Variants in CSF1R observed in about 807,000 individuals in gnomAD.
CSF1R encodes macrophage colony-stimulating factor 1 receptor.
In CSF1R, 40 loss-of-function variants were observed where a neutral mutation model predicts 110.0. The ratio of observed to expected loss-of-function variants is 0.36; its 90% CI spans 0.28 to 0.47. CSF1R has a LOEUF of 0.47. Among genes scored for constraint, CSF1R ranks in the 20% least tolerant of loss-of-function variants. CSF1R has a pLI of 0.99. For missense variants in CSF1R, 1,052 were observed against 1,253.0 expected (o/e 0.84, Z 2.42); for synonymous variants, 523 against 503.4 (o/e 1.04, Z -0.52).
intron 1 of CSF1R, among the ~76,000 whole-genome samples, chr5:150,103,927 G>A (rs1478779145): frequency 6.6e-6 from 1 of 152,136 alleles, no homozygotes; most frequent in East Asian, 1.9e-4. Context: ...CTAGAGGGGT[G>A]CACCTCCAAG....
At chr5:150,080,586 CA>C (rs1758492446) in intron 2 of CSF1R, among the ~76,000 whole-genome samples, 180 bp downstream of exon 2, 1 of 152,222 alleles carries the variant, frequency 6.6e-6, no homozygotes, top group Non-Finnish European at 1.5e-5. Context: ...AATGCATCAT[CA>C]TAGACCCGAC....
At chr5:150,061,406 G>T in intron 12 of CSF1R, 85 bp downstream of exon 12, 1 of 1,188,288 alleles carries the variant, frequency 8.4e-7, no homozygotes, top group South Asian at 1.4e-5. Context: ...TGAAATGTGT[G>T]TGATGCCTCT....
Position 150,068,313 on chromosome 5 carries a change from G to C in CSF1R, c.1528C>G (p.Pro510Ala), listed in dbSNP as rs139203165. 34 of 1,612,622 alleles carry C rather than the reference G, an allele frequency of 2.1e-5. No individual in the cohort carries two copies. In the African/African-American group the frequency reaches 4.1e-4, roughly 20 times the overall value. The change falls in exon 10 of 21, where the codon CCG becomes GCG. Residue 510 changes from proline (P) to alanine (A), a missense_variant. Coordinates refer to ENST00000675795, the MANE Select transcript of CSF1R (RefSeq NM_001288705.3). ...ACTGGTGTGAAGAGGAACTCATCCG[G>C]GGGATGCGTGTGGGCTCCTGGAAGG... ...PISAGAHTHPPDEFLFTPVVV... is the reference protein window; with the variant it reads ...PISAGAHTHPADEFLFTPVVV...
In CSF1R at chr5:150,053,834, G is replaced by GA. The variant is rs1757041640; in HGVS notation, c.*234dup. 1.9e-6 allele frequency: 1 copy of GA among 537,348 alleles called. No individual in the cohort carries two copies. The highest frequency in any genetic ancestry group is 2.1e-5 in the South Asian group (1 of 48,604). 33.3% of individuals were successfully genotyped at this position (537,348 alleles called of 1,614,324 possible). On this transcript the variant is annotated 3_prime_UTR_variant, in exon 21 of 21. Transcript: ENST00000675795. ...GGCCAACACCATGAGAACAGTAGGG[G>GA]AGGGGGGGGTGAGGGCTCAGCCCCC...
chr5:150,056,315 ACG>A lies in CSF1R; in HGVS notation c.2344_2345del (p.Arg782Ter). On this transcript the variant is annotated frameshift_variant, in exon 17 of 21. Coordinates refer to ENST00000675795, the MANE Select transcript of CSF1R (RefSeq NM_001288705.3). LOFTEE classifies it high-confidence loss of function. ...CATGACCATTGGTCAACAGCACGTT[ACG>A]CGCTGCCACGTCCCGGTGGATGCAC... ...KNCIHRDVAA[R>X]NVLLTNGHVA... The A allele has an allele frequency of 6.2e-7, 1 of 1,614,122 alleles. No homozygotes were observed. Among genetic ancestry groups the A allele is most frequent in the Non-Finnish European group, 8.5e-7 (1 of 1,180,032 alleles).
intron 1 of CSF1R, among the ~76,000 whole-genome samples, chr5:150,097,120 A>G (rs1280866439): frequency 6.6e-6 from 1 of 152,114 alleles, no homozygotes; most frequent in Non-Finnish European, 1.5e-5. Context: ...AAAAGAACCT[A>G]GCATGGTGAT....
intron 9 of CSF1R, 51 bp from the exon 10 acceptor site, chr5:150,068,381 C>T: frequency 7.2e-7 from 1 of 1,396,076 alleles, no homozygotes; most frequent in Non-Finnish European, 1.0e-6. Flanking sequence ...CTCCGAGCCC[C>T]CTGAGGTCAG....
In CSF1R at chr5:150,083,349, AACACACACACACACACACACACAC is replaced by A. The variant is rs59055324; in HGVS notation, c.50-2349_50-2326del. 3.7e-3 allele frequency among the ~76,000 whole-genome samples: 389 copies of A among 106,382 alleles called. 5 individuals carry two copies. In the Middle Eastern group the frequency reaches 0.079, roughly 22 times the overall value. The allele number at this position is 106,382 out of a possible 152,430, so 69.8% of individuals were successfully genotyped here. A position where few individuals can be genotyped will look rare whatever the true frequency, so the allele number is the denominator to read the frequency against. On this transcript the variant is annotated intron_variant, in intron 1 of 20. Coordinates refer to ENST00000675795, the MANE Select transcript of CSF1R (RefSeq NM_001288705.3). ...GCCCCAATCTCTACTCTTCTCTCCC[AACACACACACACACACACACACAC>A]ACACACACACACACACACACACACA...
intron 5 of CSF1R, 118 bp from the exon 6 acceptor site, chr5:150,073,611 TC>T: frequency 2.0e-6 from 2 of 980,542 alleles, no homozygotes; most frequent in Non-Finnish European, 3.0e-6. Flanking sequence ...AGGTACATAG[TC>T]CCCACCACCC....
chr5:150,054,590 A>G (rs1363083254), intron 19 of CSF1R, 160 bp from the exon 20 acceptor site: 6 of 601,126 alleles, frequency 1.0e-5, no homozygotes, highest in African/African-American at 1.9e-5. Flanking sequence ...TTTACCATTT[A>G]ATCCTCACAG....
intron 1 of CSF1R, among the ~76,000 whole-genome samples, chr5:150,091,586 T>C (rs1312115152): frequency 6.6e-6 from 1 of 151,736 alleles, no homozygotes; most frequent in African/African-American, 2.4e-5. Flanking sequence ...GGTTGACGAG[T>C]GGTTACCAGG....
At chr5:150,073,819 AAC>A (rs576999417) in intron 5 of CSF1R, among the ~76,000 whole-genome samples, 1 of 152,106 alleles carries the variant, frequency 6.6e-6, no homozygotes, top group Non-Finnish European at 1.5e-5. Flanking sequence ...GCAGCAAGAA[AAC>A]ACACACACAC....
chr5:150,056,003 C>G (rs770080297), intron 18 of CSF1R, 23 bp downstream of exon 18: 1 of 1,608,796 alleles, frequency 6.2e-7, no homozygotes, highest in East Asian at 2.2e-5. Flanking sequence ...CAGGCTCTGC[C>G]TGGAGTGGGC....
intron 1 of CSF1R, among the ~76,000 whole-genome samples, chr5:150,110,345 C>A (rs1027402237): frequency 1.5e-4 from 23 of 152,236 alleles, no homozygotes; most frequent in African/African-American, 5.1e-4. Context: ...CGCCATTGTT[C>A]CATCTGCCAG....
intron 1 of CSF1R, among the ~76,000 whole-genome samples, chr5:150,109,062 C>CCCTCCCCCCGCCA: frequency 8.2e-6 from 1 of 121,290 alleles, no homozygotes; most frequent in African/African-American, 2.8e-5. Context: ...AAGCCCGCCC[C>CCCTCCCCCCGCCA]CCCCCCACCA....
rs1758770713 is a variant in CSF1R, at chr5:150,084,973, T to C, written c.49+1406A>G. Reference sequence around the variant, plus strand: ...ACCTGTGCTTTCTACTGCATGTAAGTTACATTGCAAAATAAGAAGTCCAGG... The same window carrying C: ...ACCTGTGCTTTCTACTGCATGTAAGCTACATTGCAAAATAAGAAGTCCAGG... On this transcript the variant is annotated intron_variant, in intron 1 of 20. Coordinates refer to ENST00000675795, the MANE Select transcript of CSF1R (RefSeq NM_001288705.3). Among the ~76,000 whole-genome samples the C allele has an allele frequency of 3.3e-5, 5 of 151,940 alleles. No homozygotes were observed. The South Asian group carries it at 8.3e-4, about 25-fold the overall frequency.
chr5:150,058,401 C>A, intron 14 of CSF1R: 1 of 440,216 alleles, frequency 2.3e-6, no homozygotes, highest in Non-Finnish European at 4.6e-6. Context: ...AGATGTGTAC[C>A]TTGACAATGT....
upstream of CSF1R, among the ~76,000 whole-genome samples, chr5:150,090,023 T>C (rs1207082848): frequency 6.6e-6 from 1 of 152,140 alleles, no homozygotes; most frequent in African/African-American, 2.4e-5. Flanking sequence ...ATATAAAAAT[T>C]AACTCAAAAT....
intron 5 of CSF1R, among the ~76,000 whole-genome samples, chr5:150,073,854 C>T (rs777474261): frequency 1.3e-5 from 2 of 152,184 alleles, no homozygotes; most frequent in Non-Finnish European, 2.9e-5. Context: ...TTTCACGTGT[C>T]CTCATCCATT....
Sources: gnomAD v4.1 joint callset for allele counts (sites outside exome capture counted in the v4.1 genomes callset) on GRCh38, gnomAD v4.1.1 for gene constraint, MANE v1.5 for transcripts, NCBI Gene and HGNC (gene_info 2026-07-23, HGNC 2026-07-21) for gene names.